The following FNIP2 variants were observed in gnomAD, a reference collection of about 807,000 sequenced individuals.
FNIP2 encodes folliculin interacting protein 2.
FNIP2 carries 32 observed loss-of-function variants against 108.7 expected under a neutral mutation model. The observed-to-expected ratio is 0.29, with a 90% CI of 0.22 to 0.40. FNIP2 has a LOEUF of 0.40. FNIP2 is among the 10% of genes least tolerant of loss of function. The probability of loss-of-function intolerance (pLI) is 1.00; values close to 1 mark genes in which losing one functional copy is unlikely to be tolerated. For synonymous variants in FNIP2, 480 were observed against 496.7 expected, an observed-to-expected ratio of 0.97 and a Z score of 0.45; for missense variants, 1,202 against 1,381.6, an observed-to-expected ratio of 0.87 and a Z score of 2.06.
chr4:158,881,844 C>T (rs1343872956), intron 14 of FNIP2, among the ~76,000 whole-genome samples: 7 of 150,360 alleles, frequency 4.7e-5, no homozygotes, highest in African/African-American at 7.3e-5. Flanking sequence ...CCCAAAGTGC[C>T]GAGATTGCAG....
At chr4:158,876,114 TA>T (rs897680299) in intron 14 of FNIP2, among the ~76,000 whole-genome samples, 2 of 151,998 alleles carry the variant, frequency 1.3e-5, no homozygotes, top group Non-Finnish European at 2.9e-5. Context: ...GGATTGTGGT[TA>T]AAAAAAATAC....
At chr4:158,875,515 G>GAGATATATATATATATATATAT (rs1553964261) in intron 14 of FNIP2, among the ~76,000 whole-genome samples, 1 of 111,982 alleles carries the variant, frequency 8.9e-6, no homozygotes, top group African/African-American at 5.1e-5. Flanking sequence ...GCCTGGCTGT[G>GAGATATATATATATATATATAT]ATATATATAT....
intron 7 of FNIP2, among the ~76,000 whole-genome samples, chr4:158,837,455 A>T (rs921421923): frequency 6.6e-6 from 1 of 152,216 alleles, no homozygotes; most frequent in African/African-American, 2.4e-5. Flanking sequence ...AAGAAACATT[A>T]TTAGGAAAAG....
intron 1 of FNIP2, among the ~76,000 whole-genome samples, chr4:158,819,192 G>A (rs1465514939): frequency 6.6e-6 from 1 of 152,206 alleles, no homozygotes; most frequent in Admixed American, 6.5e-5. Context: ...AAGGTGTGCA[G>A]AAGGAATGAA....
chr4:158,875,089 A>C (rs1781189768), intron 14 of FNIP2, among the ~76,000 whole-genome samples: 1 of 151,298 alleles, frequency 6.6e-6, no homozygotes, highest in Non-Finnish European at 1.5e-5. Flanking sequence ...ACTGTCTCAA[A>C]AAAAAAAAAA....
At chr4:158,904,152 T>C (rs1047592228) in intron 16 of FNIP2, among the ~76,000 whole-genome samples, 16 of 152,118 alleles carry the variant, frequency 1.1e-4, no homozygotes. Context: ...TACAATGAAG[T>C]TATATAGGGA....
chr4:158,843,389 GT>G (rs1779230016), intron 7 of FNIP2, among the ~76,000 whole-genome samples: 1 of 152,306 alleles, frequency 6.6e-6, no homozygotes, highest in African/African-American at 2.4e-5. Flanking sequence ...TGCACATACT[GT>G]TTGCTCATTC....
intron 8 of FNIP2, among the ~76,000 whole-genome samples, chr4:158,853,390 AT>A (rs1169003440): frequency 1.3e-5 from 2 of 152,150 alleles, no homozygotes; most frequent in Non-Finnish European, 2.9e-5. Flanking sequence ...TTTTATTATT[AT>A]TATACTTTAA....
chr4:158,845,539 A>G (rs1307188279), intron 7 of FNIP2, among the ~76,000 whole-genome samples: 3 of 152,236 alleles, frequency 2.0e-5, no homozygotes, highest in Non-Finnish European at 4.4e-5. Context: ...ACTGGACAAC[A>G]TGCTTGCACC....
chr4:158,857,180 C>T (rs1315813688), intron 8 of FNIP2, among the ~76,000 whole-genome samples: 1 of 152,192 alleles, frequency 6.6e-6, no homozygotes, highest in African/African-American at 2.4e-5. Flanking sequence ...AAAGGTCAAG[C>T]TGGCCTAAAG....
intron 7 of FNIP2, among the ~76,000 whole-genome samples, chr4:158,847,418 T>C (rs535533127): frequency 6.6e-6 from 1 of 152,230 alleles, no homozygotes; most frequent in Non-Finnish European, 1.5e-5. Context: ...CACAGTAGGA[T>C]AGAGCACTGG....
chr4:158,897,102 C>G (rs1216845940), intron 16 of FNIP2, among the ~76,000 whole-genome samples: 1 of 151,398 alleles, frequency 6.6e-6, no homozygotes, highest in Non-Finnish European at 1.5e-5. Flanking sequence ...GTTTGGTTTT[C>G]TGTTCCTGTG....
At position 158,851,171 on chromosome 4, in the gene FNIP2, T is replaced by C. The variant is rs1190379187; in HGVS notation, c.728-150T>C. The C allele has an allele frequency of 3.5e-6, 3 of 852,696 alleles. No individual in the cohort carries two copies. The African/African-American group carries it at 5.1e-5, about 15-fold the overall frequency. 52.8% of individuals were successfully genotyped at this position (852,696 alleles called of 1,614,324 possible). A position where few individuals can be genotyped will look rare whatever the true frequency, so the allele number is the denominator to read the frequency against. The stretch of plus-strand genomic sequence containing the variant: ...AAAGGTAATTGCGGGTTTTGTCATT[T>C]TTTTAGTGGCGAAGTGTACAGTTTA... On this transcript the variant is annotated intron_variant, in intron 7 of 16. Coordinates refer to ENST00000264433, the MANE Select transcript of FNIP2 (RefSeq NM_020840.3).
chr4:158,875,515 G>GATATATATATATATATATATATATATTT (rs56389652), intron 14 of FNIP2, among the ~76,000 whole-genome samples: 1 of 111,982 alleles, frequency 8.9e-6, no homozygotes, highest in Non-Finnish European at 1.7e-5. Context: ...GCCTGGCTGT[G>GATATATATATATATATATATATATATTT]ATATATATAT....
chr4:158,782,821 TACTGCC>T (rs1776098308), intron 1 of FNIP2, among the ~76,000 whole-genome samples: 2 of 152,176 alleles, frequency 1.3e-5, no homozygotes, highest in Admixed American at 1.3e-4. Flanking sequence ...GAGTGCTAAA[TACTGCC>T]TGTAATTGTA....
At chr4:158,827,334 G>A (rs978207220) in intron 2 of FNIP2, among the ~76,000 whole-genome samples, 6 of 152,216 alleles carry the variant, frequency 3.9e-5, no homozygotes, top group African/African-American at 1.4e-4. Context: ...TATCACTGGG[G>A]CTGCTCATAG....
Position 158,859,187 on chromosome 4 carries a change from C to T in FNIP2, c.988C>T (p.Gln330Ter). 6.2e-7 allele frequency: 1 copy of T among 1,613,582 alleles called. No individual in the cohort carries two copies. Among genetic ancestry groups the T allele is most frequent in the Non-Finnish European group, 8.5e-7 (1 of 1,179,716 alleles). Residue 330 changes from glutamine to a stop codon, truncating the protein, a stop_gained, in exon 9 of 17, where the codon CAG becomes TAG. Coordinates refer to ENST00000264433, the MANE Select transcript of FNIP2 (RefSeq NM_020840.3). LOFTEE classifies it high-confidence loss of function. ...CEKEEAQRNF[Q>*]DFFFSHFPLF... ...GAAAGAAGAAGCACAAAGGAATTTCCAGGACTTCTTCTTTTCTCATTTTCC... is the reference window on the plus strand; with the variant it reads ...GAAAGAAGAAGCACAAAGGAATTTCTAGGACTTCTTCTTTTCTCATTTTCC...
chr4:158,835,317 C>T (rs1254576603), intron 6 of FNIP2, 88 bp from the exon 7 acceptor site: 5 of 1,110,742 alleles, frequency 4.5e-6, no homozygotes, highest in Non-Finnish European at 6.8e-6. Flanking sequence ...CAGTAGCCTA[C>T]TTTGAAATTT....
intron 1 of FNIP2, among the ~76,000 whole-genome samples, chr4:158,786,877 T>TAG (rs1255373395): frequency 1.3e-5 from 2 of 152,232 alleles, no homozygotes; most frequent in African/African-American, 4.8e-5. Flanking sequence ...AACTTGCCAC[T>TAG]TTAACTGACT....
Sources: allele counts gnomAD v4.1 joint callset (sites outside exome capture counted in the v4.1 genomes callset), GRCh38; gene constraint gnomAD v4.1.1; transcripts MANE v1.5; gene names NCBI Gene and HGNC (gene_info 2026-07-23, HGNC 2026-07-21).